The following INVS variants were observed in gnomAD, a reference collection of about 807,000 sequenced individuals.
INVS encodes the protein inversin.
INVS carries 86 observed loss-of-function variants against 108.8 expected under a neutral mutation model. That is an observed-to-expected ratio of 0.79 (90% CI 0.66 to 0.95). The LOEUF is 0.95. Ranked by LOEUF, INVS falls within the 40% of genes least tolerant of loss-of-function variation. The pLI is 0.00. For synonymous variants in INVS, 455 were observed against 473.5 expected (o/e 0.96, Z 0.51); for missense variants, 1,169 against 1,297.4 (o/e 0.90, Z 1.52).
chr9:100,188,985 A>G (rs1418809366), intron 3 of INVS, among the ~76,000 whole-genome samples: 1 of 151,760 alleles, frequency 6.6e-6, no homozygotes, highest in Non-Finnish European at 1.5e-5. Flanking sequence ...GTGTGCATAG[A>G]GGTGTTCACA....
At chr9:100,134,145 G>A (rs1328087816) in intron 3 of INVS, among the ~76,000 whole-genome samples, 5 of 151,912 alleles carry the variant, frequency 3.3e-5, no homozygotes, top group Admixed American at 6.6e-5. Context: ...TTAGGCCTTT[G>A]CATCCTCATA....
At chr9:100,133,378 A>G (rs1383514506) in intron 3 of INVS, among the ~76,000 whole-genome samples, 1 of 151,744 alleles carries the variant, frequency 6.6e-6, no homozygotes, top group Non-Finnish European at 1.5e-5. Flanking sequence ...GTGCACATAC[A>G]CTATTATGGG....
chr9:100,297,672 T>A (rs1002456368), intron 15 of INVS, among the ~76,000 whole-genome samples: 2 of 152,148 alleles, frequency 1.3e-5, no homozygotes, highest in African/African-American at 4.8e-5. Context: ...ATAGACCCAG[T>A]AGAGTTCAAG....
At chr9:100,276,395 T>C (rs1258926673) in intron 12 of INVS, among the ~76,000 whole-genome samples, 1 of 151,976 alleles carries the variant, frequency 6.6e-6, no homozygotes, top group Non-Finnish European at 1.5e-5. Context: ...CCACAGTCTG[T>C]CTCTCTTCTG....
intron 13 of INVS, among the ~76,000 whole-genome samples, chr9:100,289,877 T>C (rs973516340): frequency 2.0e-5 from 3 of 152,196 alleles, no homozygotes; most frequent in Admixed American, 6.5e-5. Flanking sequence ...TTTGAGTAAA[T>C]ATAAAGGAGT....
intron 13 of INVS, among the ~76,000 whole-genome samples, chr9:100,288,414 T>A (rs1588147735): frequency 6.6e-6 from 1 of 152,170 alleles, no homozygotes; most frequent in African/African-American, 2.4e-5. Flanking sequence ...AAAAACTTCA[T>A]GGGTTTCCTG....
At chr9:100,203,988 A>G (rs10739796) in intron 3 of INVS, among the ~76,000 whole-genome samples, 47,856 of 151,928 alleles carry the variant, frequency 0.31, 8,637 homozygotes, top group Non-Finnish European at 0.42. Flanking sequence ...TTTGATCCCA[A>G]TGCTTTTTTT....
chr9:100,162,061 T>C (rs1331571855), intron 3 of INVS, among the ~76,000 whole-genome samples: 1 of 152,170 alleles, frequency 6.6e-6, no homozygotes, highest in Non-Finnish European at 1.5e-5. Context: ...AAGCACCATG[T>C]AGGCCACAAA....
Position 100,297,142 on chromosome 9 carries a change from C to T in INVS, c.3012C>T (p.Ile1004=), listed in dbSNP as rs376318795. 6.2e-7 allele frequency: 1 copy of T among 1,612,766 alleles called. No homozygotes were observed. The highest frequency in any genetic ancestry group is 8.5e-7 in the Non-Finnish European group (1 of 1,178,854). The change falls in exon 15 of 17, where the codon ATC becomes ATT. Residue 1004 remains isoleucine, a synonymous_variant. Coordinates refer to ENST00000262457, the MANE Select transcript of INVS (RefSeq NM_014425.5). ...KSTKHSVLKQ[I]YGCSHEGKIH... ...CCAAGCACTCAGTGCTTAAGCAAAT[C>T]TATGGTAACTGTCCTTCTGCCTACT...
chr9:100,165,083 T>A (rs897605053), intron 3 of INVS, among the ~76,000 whole-genome samples: 11 of 151,818 alleles, frequency 7.2e-5, no homozygotes, highest in African/African-American at 2.7e-4. Flanking sequence ...TGATTATTGT[T>A]CAATTTTTTT....
At chr9:100,181,479 A>G (rs956899358) in intron 3 of INVS, among the ~76,000 whole-genome samples, 4 of 152,186 alleles carry the variant, frequency 2.6e-5, no homozygotes, top group African/African-American at 9.6e-5. Context: ...CCAATAATAG[A>G]CAAACAGCTA....
intron 10 of INVS, among the ~76,000 whole-genome samples, chr9:100,260,066 T>C (rs1832567768): frequency 6.6e-6 from 1 of 151,348 alleles, no homozygotes; most frequent in Non-Finnish European, 1.5e-5. Context: ...GAGATGGGGT[T>C]TCACCATGTT....
intron 1 of INVS, among the ~76,000 whole-genome samples, chr9:100,100,178 T>A (rs1006650479): frequency 6.6e-6 from 1 of 152,068 alleles, no homozygotes. Flanking sequence ...TGGTTTTGAC[T>A]TTTTTCTATA....
intron 8 of INVS, among the ~76,000 whole-genome samples, chr9:100,250,159 A>G (rs1832181340): frequency 6.6e-6 from 1 of 152,132 alleles, no homozygotes; most frequent in African/African-American, 2.4e-5. Context: ...CCTCTTTGAA[A>G]AGTGCTGTAA....
At chr9:100,297,269 T>C in intron 15 of INVS, 123 bp downstream of exon 15, 1 of 804,880 alleles carries the variant, frequency 1.2e-6, no homozygotes, top group Non-Finnish European at 2.1e-6. Context: ...TGGTGCAAAA[T>C]TAATTGTATT....
intron 3 of INVS, among the ~76,000 whole-genome samples, chr9:100,162,776 G>A (rs569321693): frequency 6.0e-5 from 9 of 151,178 alleles, no homozygotes; most frequent in Non-Finnish European, 1.2e-4. Flanking sequence ...GCAGTGAGCC[G>A]AGATCATGCC....
intron 3 of INVS, among the ~76,000 whole-genome samples, chr9:100,200,585 G>A (rs10989013): frequency 0.19 from 29,365 of 152,084 alleles, 4,520 homozygotes; most frequent in African/African-American, 0.43. Context: ...TGAGATTTCA[G>A]TGGGAAGTCT....
At chr9:100,210,999 C>T (rs1168570432) in intron 3 of INVS, among the ~76,000 whole-genome samples, 1 of 152,016 alleles carries the variant, frequency 6.6e-6, no homozygotes, top group Non-Finnish European at 1.5e-5. Flanking sequence ...CCAGCAGCAG[C>T]AGCACTTCCC....
chr9:100,238,837 G>A (rs939787386), intron 5 of INVS, among the ~76,000 whole-genome samples: 1 of 152,082 alleles, frequency 6.6e-6, no homozygotes, highest in Non-Finnish European at 1.5e-5. Context: ...TTGCTATAAA[G>A]ATCCAGTAGA....
Sources: gnomAD v4.1 joint callset for allele counts (sites outside exome capture counted in the v4.1 genomes callset) on GRCh38, gnomAD v4.1.1 for gene constraint, MANE v1.5 for transcripts, NCBI Gene and HGNC (gene_info 2026-07-23, HGNC 2026-07-21) for gene names.